Variants in BRIP1 observed in about 807,000 individuals in gnomAD.
BRIP1 encodes the protein Fanconi anemia group J protein.
In BRIP1, 88 loss-of-function variants were observed where a neutral mutation model predicts 119.7. The observed-to-expected ratio is 0.74, with a 90% CI of 0.62 to 0.88. The LOEUF is 0.88. BRIP1 is among the 40% of genes least tolerant of loss of function. The pLI, the probability that BRIP1 is intolerant of heterozygous loss-of-function variation, is 0.00. For synonymous variants in BRIP1, 443 were observed against 496.5 expected (o/e 0.89, Z 1.43); for missense variants, 1,259 against 1,455.4 (o/e 0.87, Z 2.20).
rs1012454920 is a variant in BRIP1, at chr17:61,687,972, G to A, written c.2576-1807C>T. Among the ~76,000 whole-genome samples, 10 of 152,140 alleles carry A rather than the reference G, an allele frequency of 6.6e-5. No individual in the cohort carries two copies. Among genetic ancestry groups the A allele is most frequent in the African/African-American group, 1.9e-4 (8 of 41,428 alleles). On this transcript the variant is annotated intron_variant, in intron 18 of 19. Transcript: ENST00000259008. The surrounding 1 kb of genome is among the most constrained non-coding windows in gnomAD (Gnocchi z 5.1). ...CCCAGGGGCCACTAAGAACAAAAGCGCTGTGCAGCAAGTTTCTGCTCCACA... is the reference window on the plus strand; with the variant it reads ...CCCAGGGGCCACTAAGAACAAAAGCACTGTGCAGCAAGTTTCTGCTCCACA...
rs2078096985 is a variant in BRIP1, at chr17:61,807,846, T to C, written c.918+621A>G. On this transcript the variant is annotated intron_variant, in intron 7 of 19. Transcript: ENST00000259008. The surrounding 1 kb of genome is among the most constrained non-coding windows in gnomAD (Gnocchi z 4.5). ...GCCAAAAGAAATTATTTGAAAGTCA[T>C]ATAAGTCTTTAGTAAGAAAGAATTC... is the stretch of plus-strand genomic sequence containing the variant. Among the ~76,000 whole-genome samples, 1 of 152,160 alleles carries C rather than the reference T, an allele frequency of 6.6e-6. No homozygotes were observed. Among genetic ancestry groups the C allele is most frequent in the Non-Finnish European group, 1.5e-5 (1 of 67,998 alleles).
rs2144808777 is a variant in BRIP1 at position 61,757,086 on chromosome 17, G to T, written c.2098-12495C>A. Among the ~76,000 whole-genome samples, 1 of 152,092 alleles carries T rather than the reference G, an allele frequency of 6.6e-6. No homozygotes were observed. The highest frequency in any genetic ancestry group is 1.5e-5 in the Non-Finnish European group (1 of 67,980). On this transcript the variant is annotated intron_variant, in intron 14 of 19. Coordinates refer to ENST00000259008, the MANE Select transcript of BRIP1 (RefSeq NM_032043.3). This position sits in a 1 kb window ranked among gnomAD's most constrained non-coding sequence, Gnocchi z 4.3. Reference sequence around the variant, plus strand: ...AATGTTTACTTTCTTTTATTCAGTTGATATGTACCCATATGTGGCATATGT... The same window carrying T: ...AATGTTTACTTTCTTTTATTCAGTTTATATGTACCCATATGTGGCATATGT...
At position 61,744,347 on chromosome 17, in the gene BRIP1, T is replaced by G. The variant is rs1293748934; in HGVS notation, c.2257+85A>C. 2 of 1,414,588 alleles carry G rather than the reference T, an allele frequency of 1.4e-6. No homozygotes were observed. The highest frequency in any genetic ancestry group is 9.8e-7 in the Non-Finnish European group (1 of 1,018,174). 87.6% of individuals were successfully genotyped at this position (1,414,588 alleles called of 1,614,324 possible). ...TAATTTTTCTCTTAAGTGTAATTCA[T>G]CTAAAAATATAAAATTATAATTGTA... is the stretch of plus-strand genomic sequence containing the variant. On this transcript the variant is annotated intron_variant, in intron 15 of 19. Transcript: ENST00000259008. The surrounding 1 kb of genome is among the most constrained non-coding windows in gnomAD (Gnocchi z 5.0).
rs2076773333 is a variant in BRIP1, at chr17:61,726,965, C to G, written c.2380-10902G>C. ...TGAGAGCCCGATAACTGTGAATAAA[C>G]TTTTGCTAGCAATAACAACTAACAA... On this transcript the variant is annotated intron_variant, in intron 16 of 19. Coordinates refer to ENST00000259008, the MANE Select transcript of BRIP1 (RefSeq NM_032043.3). The surrounding 1 kb of genome is among the most constrained non-coding windows in gnomAD (Gnocchi z 6.2). Among the ~76,000 whole-genome samples, 1 of 152,118 alleles carries G rather than the reference C, an allele frequency of 6.6e-6. No individual in the cohort carries two copies. The highest frequency in any genetic ancestry group is 2.4e-5 in the African/African-American group (1 of 41,444).
At chr17:61,817,778 C>G (rs2078258891) in intron 6 of BRIP1, among the ~76,000 whole-genome samples, 1 of 152,108 alleles carries the variant, frequency 6.6e-6, no homozygotes, top group Admixed American at 6.5e-5. Flanking sequence ...ATTGCAGGTG[C>G]ATTGTATGTG....
At chr17:61,773,156 A>G (rs1208492470) in intron 14 of BRIP1, among the ~76,000 whole-genome samples, 1 of 152,106 alleles carries the variant, frequency 6.6e-6, no homozygotes, top group African/African-American at 2.4e-5. Context: ...GCCCATACAA[A>G]TCAATTAAAA....
At chr17:61,801,196 C>A in intron 8 of BRIP1, 57 bp downstream of exon 8, 1 of 1,492,498 alleles carries the variant, frequency 6.7e-7, no homozygotes, top group Non-Finnish European at 9.3e-7. Flanking sequence ...CTTTTACATT[C>A]AACATTTACA....
intron 9 of BRIP1, among the ~76,000 whole-genome samples, chr17:61,797,689 C>T (rs1201772150): frequency 1.3e-5 from 2 of 151,678 alleles, no homozygotes; most frequent in African/African-American, 4.8e-5. Flanking sequence ...TTATTGCAGG[C>T]AAAGATTTTA....
chr17:61,714,905 G>A (rs1350306685), intron 17 of BRIP1, among the ~76,000 whole-genome samples: 1 of 150,318 alleles, frequency 6.7e-6, no homozygotes. Flanking sequence ...AGGCTCAAGC[G>A]ATCCTCCTAC....
chr17:61,863,132 A>G (rs2078993744), intron 1 of BRIP1, among the ~76,000 whole-genome samples, 152 bp downstream of exon 1: 1 of 151,784 alleles, frequency 6.6e-6, no homozygotes, highest in South Asian at 2.1e-4. Flanking sequence ...GGAGGTAAGG[A>G]TAGGCTCCCT....
chr17:61,863,224 T>G (rs1198420126), intron 1 of BRIP1, 60 bp downstream of exon 1: 2 of 151,976 alleles, frequency 1.3e-5, no homozygotes, highest in African/African-American at 4.8e-5. Flanking sequence ...TCACCACCCA[T>G]GGGCCCGCAG....
rs2061441736 is a variant in BRIP1, at chr17:61,691,154, G to A, written c.2575+2276C>T. Among the ~76,000 whole-genome samples the A allele has an allele frequency of 6.6e-6, 1 of 151,968 alleles. No individual in the cohort carries two copies. Among genetic ancestry groups the A allele is most frequent in the Non-Finnish European group, 1.5e-5 (1 of 68,002 alleles). On this transcript the variant is annotated intron_variant, in intron 18 of 19. Coordinates refer to ENST00000259008, the MANE Select transcript of BRIP1 (RefSeq NM_032043.3). This position sits in a 1 kb window ranked among gnomAD's most constrained non-coding sequence, Gnocchi z 5.0. ...TAATGTAAACGACAAGTTAATGGGT[G>A]CAGCACACTAACATGGGACATGTAT...
chr17:61,787,983 GGA>G (rs1169766926), intron 10 of BRIP1, among the ~76,000 whole-genome samples: 2 of 151,942 alleles, frequency 1.3e-5, no homozygotes, highest in African/African-American at 4.8e-5. Flanking sequence ...ACAACGCACT[GGA>G]AGTCTGAGAC....
At chr17:61,749,068 C>G (rs544990644) in intron 14 of BRIP1, among the ~76,000 whole-genome samples, 1 of 150,566 alleles carries the variant, frequency 6.6e-6, no homozygotes, top group South Asian at 2.1e-4. Flanking sequence ...ACCTGGGAGG[C>G]GGAGGTTGCA....
chr17:61,821,004 C>A (rs1299103245), intron 6 of BRIP1, among the ~76,000 whole-genome samples: 1 of 151,588 alleles, frequency 6.6e-6, no homozygotes, highest in African/African-American at 2.4e-5. Context: ...TGGGAGGGGG[C>A]TTGAGCAAGA....
At chr17:61,797,665 AGT>A (rs1435720247) in intron 9 of BRIP1, among the ~76,000 whole-genome samples, 2 of 152,058 alleles carry the variant, frequency 1.3e-5, no homozygotes, top group African/African-American at 4.8e-5. Flanking sequence ...TGGGGTGGAA[AGT>A]ATTTACAACT....
At position 61,695,006 on chromosome 17, in the gene BRIP1, T is replaced by C. The variant is rs1327262462; in HGVS notation, c.2493-1494A>G. ...TTTCTTGATACTGTCCTTTGAAGAA[T>C]AAAAATTTGAACTGTAACAAAGTCC... On this transcript the variant is annotated intron_variant, in intron 17 of 19. Transcript: ENST00000259008. The surrounding 1 kb of genome is among the most constrained non-coding windows in gnomAD (Gnocchi z 4.3). Among the ~76,000 whole-genome samples the C allele has an allele frequency of 6.6e-6, 1 of 151,880 alleles. No homozygotes were observed. The highest frequency in any genetic ancestry group is 2.4e-5 in the African/African-American group (1 of 41,382).
At chr17:61,718,733 T>G (rs2061922807) in intron 16 of BRIP1, among the ~76,000 whole-genome samples, 1 of 152,304 alleles carries the variant, frequency 6.6e-6, no homozygotes. Context: ...CTGGTGCAAT[T>G]GTAGTATTCC....
At chr17:61,781,354 A>G (rs1285784705) in intron 11 of BRIP1, among the ~76,000 whole-genome samples, 1 of 152,238 alleles carries the variant, frequency 6.6e-6, no homozygotes, top group Non-Finnish European at 1.5e-5. Flanking sequence ...TGCATGCTCT[A>G]CTACATGATG....
Sources: gnomAD v4.1 joint callset for allele counts (sites outside exome capture counted in the v4.1 genomes callset) on GRCh38, gnomAD v4.1.1 for gene constraint, Gnocchi (gnomAD v3.1) non-coding constraint, MANE v1.5 for transcripts, NCBI Gene and HGNC (gene_info 2026-07-23, HGNC 2026-07-21) for gene names.